RRP8: variants seen among roughly 807,000 people sequenced by gnomAD.
RRP8 encodes the protein ribosomal RNA-processing protein 8.
In RRP8, 48 loss-of-function variants were observed where a neutral mutation model predicts 45.0. That is an observed-to-expected ratio of 1.07 (90% CI 0.85 to 1.36). RRP8 has a LOEUF of 1.36. RRP8 is among the 40% of genes most tolerant of loss of function. The pLI is 0.00. For synonymous variants in RRP8, 274 were observed against 212.4 expected (o/e 1.29, Z -2.52); for missense variants, 658 against 573.7 (o/e 1.15, Z -1.50).
At chr11:6,600,797 T>C (rs1453851366) in intron 4 of RRP8, 22 bp from the exon 5 acceptor site, 9 of 1,610,822 alleles carry the variant, frequency 5.6e-6, no homozygotes, top group Non-Finnish European at 6.8e-6. Flanking sequence ...GAGAGTGTTG[T>C]ATAAGGCACA....
In RRP8 at chr11:6,603,411, T is replaced by G. The variant is rs1589919594; in HGVS notation, c.92A>C (p.Gln31Pro). 1 of 1,601,766 alleles carries G rather than the reference T, an allele frequency of 6.2e-7. No individual in the cohort carries two copies. The highest frequency in any genetic ancestry group is 8.5e-7 in the Non-Finnish European group (1 of 1,175,144). ...CTCCCGCGAGTCACTCACCTTGTTT[T>G]GCGAGGAGGCCGCAGGCGGAGGTCG... Reference protein sequence around the residue: ...ISRPPPAASSQNKGSKRRQLL... With the variant: ...ISRPPPAASSPNKGSKRRQLL... Residue 31 changes from glutamine (Q) to proline (P), a missense_variant, in exon 1 of 7, where the codon CAA (glutamine) becomes CCA (proline). Physicochemically the swap from Gln to Pro is moderately conservative, Grantham distance 76. Transcript: ENST00000254605.
intron 2 of RRP8, 99 bp downstream of exon 2, chr11:6,601,753 C>T: frequency 6.8e-7 from 1 of 1,479,340 alleles, no homozygotes; most frequent in South Asian, 1.3e-5. Context: ...CCATTAGCCC[C>T]AATCCTAATG....
At chr11:6,601,734 C>G (rs1200327787) in intron 2 of RRP8, 118 bp downstream of exon 2, 25 of 1,476,566 alleles carry the variant, frequency 1.7e-5, no homozygotes, top group Non-Finnish European at 1.7e-5. Flanking sequence ...TTCTTATTGC[C>G]TGAGTACACC....
In RRP8 at chr11:6,599,875, T is replaced by C. The variant is rs566736833; in HGVS notation, c.*271A>G. 1.3e-5 allele frequency: 3 copies of C among 233,874 alleles called. No homozygotes were observed. The East Asian group carries it at 2.6e-4, about 20-fold the overall frequency. 14.5% of individuals were successfully genotyped at this position (233,874 alleles called of 1,614,324 possible). On this transcript the variant is annotated 3_prime_UTR_variant, in exon 7 of 7. Coordinates refer to ENST00000254605, the MANE Select transcript of RRP8 (RefSeq NM_015324.4). ...TAAAGATGCCTTGAATTCCAAACCATCTAGTTTTCATAACACCTGAAGTGT... is the reference window on the plus strand; with the variant it reads ...TAAAGATGCCTTGAATTCCAAACCACCTAGTTTTCATAACACCTGAAGTGT...
chr11:6,601,925 C>A lies in RRP8; in HGVS notation c.390G>T (p.Glu130Asp), dbSNP rs1365161946. ...ALVGSDSAED[E>D]KRKRKCQKHA... ...GTTTCTGGCATTTCCTCTTTCTTTT[C>A]TCATCTTCAGCAGAGTCACTGCCAA... Residue 130 changes from glutamate to aspartate, a missense_variant, in exon 2 of 7, where the codon GAG (glutamate) becomes GAT (aspartate). By Grantham distance (45) the Glu-to-Asp change is conservative. Transcript: ENST00000254605. 3.1e-6 allele frequency: 5 copies of A among 1,614,062 alleles called. No individual in the cohort carries two copies. Among genetic ancestry groups the A allele is most frequent in the East Asian group, 2.2e-5 (1 of 44,898 alleles).
rs1854231822 is a variant in RRP8, at chr11:6,596,541, T to C, written c.*3605A>G. ...ATCACATGGCTGTGTGGAAAATTAA[T>C]TGCTTTAGGGACACGAGTAGAAGCA... On this transcript the variant is annotated 3_prime_UTR_variant, in exon 7 of 7. Transcript: ENST00000254605. 1 of 152,192 alleles carries C rather than the reference T, an allele frequency of 6.6e-6. No homozygotes were observed. The highest frequency in any genetic ancestry group is 1.9e-4 in the East Asian group (1 of 5,200). 9.4% of individuals were successfully genotyped at this position (152,192 alleles called of 1,614,324 possible). A position where few individuals can be genotyped will look rare whatever the true frequency, so the allele number is the denominator to read the frequency against.
chr11:6,597,334 C>T lies in RRP8; in HGVS notation c.*2812G>A, dbSNP rs1429153794. 6.6e-6 allele frequency: 1 copy of T among 151,966 alleles called. No homozygotes were observed. Among genetic ancestry groups the T allele is most frequent in the African/African-American group, 2.4e-5 (1 of 41,344 alleles). 9.4% of individuals were successfully genotyped at this position (151,966 alleles called of 1,614,324 possible). On this transcript the variant is annotated 3_prime_UTR_variant, in exon 7 of 7. Transcript: ENST00000254605. Reference sequence around the variant, plus strand: ...GTGGGCCTGGAAGATATTTCCTCTCCCCTATTCTCACTCTCAAATGATAAA... The same window carrying T: ...GTGGGCCTGGAAGATATTTCCTCTCTCCTATTCTCACTCTCAAATGATAAA...
chr11:6,597,667 G>T lies in RRP8; in HGVS notation c.*2479C>A, dbSNP rs952264791. The T allele has an allele frequency of 6.6e-6, 1 of 150,538 alleles. No individual in the cohort carries two copies. The highest frequency in any genetic ancestry group is 1.5e-5 in the Non-Finnish European group (1 of 67,862). 9.3% of individuals were successfully genotyped at this position (150,538 alleles called of 1,614,324 possible). On this transcript the variant is annotated 3_prime_UTR_variant, in exon 7 of 7. Transcript: ENST00000254605. ...GCACTTTGGGAGGCCGAGGCAGGCC[G>T]ATCACTCGAGGTCAGGAGTTCGAGA...
At position 6,600,473 on chromosome 11, in the gene RRP8, T is replaced by C. The variant is rs1449567393; in HGVS notation, c.1251+13A>G. On this transcript the variant is annotated intron_variant, in intron 6 of 6. Coordinates refer to ENST00000254605, the MANE Select transcript of RRP8 (RefSeq NM_015324.4). ...TGAGACAAAAACAGGTACAGATGTC[T>C]TGGGGCCCTCACCTTGGAGACAATC... is the stretch of plus-strand genomic sequence containing the variant. The C allele has an allele frequency of 3.7e-6, 6 of 1,611,878 alleles. No homozygotes were observed. The highest frequency in any genetic ancestry group is 4.2e-6 in the Non-Finnish European group (5 of 1,178,870).
intron 1 of RRP8, among the ~76,000 whole-genome samples, chr11:6,602,832 G>A (rs1854459966): frequency 6.6e-6 from 1 of 152,138 alleles, no homozygotes; most frequent in African/African-American, 2.4e-5. Flanking sequence ...TGTATTGTCG[G>A]GAAGGCTGAT....
rs753676256 is a variant in RRP8, at chr11:6,600,274, A to C, written c.1252-9T>G. On this transcript the variant is annotated splice_polypyrimidine_tract_variant and intron_variant, in intron 6 of 6. Coordinates refer to ENST00000254605, the MANE Select transcript of RRP8 (RefSeq NM_015324.4). ...TGGCTGTTGGTCAGGTCCTAGGGGC[A>C]GAAAAGACCCAGTGAGAACCAAATC... 6.4e-7 allele frequency: 1 copy of C among 1,563,682 alleles called. No homozygotes were observed. The highest frequency in any genetic ancestry group is 2.2e-5 in the East Asian group (1 of 44,492).
rs1182331810 is a variant in RRP8, at chr11:6,601,800, ACCC to A, written c.463+49_463+51del. The A allele has an allele frequency of 2.9e-5, 44 of 1,527,352 alleles. No individual in the cohort carries two copies. The Admixed American group carries it at 4.8e-4, about 17-fold the overall frequency. The allele number at this position is 1,527,352 out of a possible 1,614,324, so 94.6% of individuals were successfully genotyped here. ...TCACTCTTGTATGTAGAACCAGCTG[ACCC>A]CCCGACACACACACACCAACACACA... On this transcript the variant is annotated intron_variant, in intron 2 of 6. Coordinates refer to ENST00000254605, the MANE Select transcript of RRP8 (RefSeq NM_015324.4).
In RRP8 at chr11:6,600,906, C is replaced by T; in HGVS notation, c.1047+20G>A. The T allele has an allele frequency of 6.2e-7, 1 of 1,614,006 alleles. No homozygotes were observed. ...CGGAGGTTGGCCCTAGAGCACAAGCCAGATAACATAGGGGTTTACCTGGGC... is the reference window on the plus strand; with the variant it reads ...CGGAGGTTGGCCCTAGAGCACAAGCTAGATAACATAGGGGTTTACCTGGGC... On this transcript the variant is annotated intron_variant, in intron 4 of 6. Transcript: ENST00000254605.
rs11600032 is a variant in RRP8 at position 6,598,603 on chromosome 11, C to T, written c.*1543G>A. 1.3e-5 allele frequency: 2 copies of T among 152,196 alleles called. No individual in the cohort carries two copies. The highest frequency in any genetic ancestry group is 1.9e-4 in the East Asian group (1 of 5,206). The allele number at this position is 152,196 out of a possible 1,614,324, so 9.4% of individuals were successfully genotyped here. A position where few individuals can be genotyped will look rare whatever the true frequency, so the allele number is the denominator to read the frequency against. ...TAGAATAGGAAACAACTAGGCTGTTCGGAAAGATGAGCAAACTGCCAGTCC... is the reference window on the plus strand; with the variant it reads ...TAGAATAGGAAACAACTAGGCTGTTTGGAAAGATGAGCAAACTGCCAGTCC... On this transcript the variant is annotated 3_prime_UTR_variant, in exon 7 of 7. Coordinates refer to ENST00000254605, the MANE Select transcript of RRP8 (RefSeq NM_015324.4).
rs1484635450 is a variant in RRP8 at position 6,595,625 on chromosome 11, T to C, written c.*4521A>G. 1 of 152,082 alleles carries C rather than the reference T, an allele frequency of 6.6e-6. No homozygotes were observed. Among genetic ancestry groups the C allele is most frequent in the Non-Finnish European group, 1.5e-5 (1 of 68,012 alleles). 9.4% of individuals were successfully genotyped at this position (152,082 alleles called of 1,614,324 possible). A position where few individuals can be genotyped will look rare whatever the true frequency, so the allele number is the denominator to read the frequency against. ...TGACGGATTTAAAAAAAAAAGAGTA[T>C]CTCAACTTCCTATTGGGAGTACATG... On this transcript the variant is annotated 3_prime_UTR_variant, in exon 7 of 7. Transcript: ENST00000254605.
chr11:6,601,225 G>A lies in RRP8; in HGVS notation c.841C>T (p.His281Tyr), dbSNP rs1386151963. ...QEDPEAFLLY[H>Y]RGFQSQVKKW... is the part of the protein sequence containing the mutation. ...TTCACTTGGCTCTGGAAGCCGCGGT[G>A]GTAGAGAAGAAAAGCCTCAGGGTCT... The change falls in exon 3 of 7, where the codon CAC becomes TAC. Residue 281 changes from histidine (H) to tyrosine (Y), a missense_variant. Coordinates refer to ENST00000254605, the MANE Select transcript of RRP8 (RefSeq NM_015324.4). 1 of 1,611,852 alleles carries A rather than the reference G, an allele frequency of 6.2e-7. No homozygotes were observed. The highest frequency in any genetic ancestry group is 1.1e-5 in the South Asian group (1 of 90,776).
Position 6,601,315 on chromosome 11 carries a change from A to G in RRP8, c.751T>C (p.Phe251Leu). ...RMAQRLDGAR[F>L]RYLNEQLYSG... Reference sequence around the variant, plus strand: ...TACAACTGTTCATTGAGGTAGCGAAATCGGGCCCCATCCAGCCGCTGTGCC... The same window carrying G: ...TACAACTGTTCATTGAGGTAGCGAAGTCGGGCCCCATCCAGCCGCTGTGCC... Residue 251 changes from phenylalanine (F) to leucine (L), a missense_variant, in exon 3 of 7, where the codon TTT (phenylalanine) becomes CTT (leucine). Coordinates refer to ENST00000254605, the MANE Select transcript of RRP8 (RefSeq NM_015324.4). 2 of 1,613,680 alleles carry G rather than the reference A, an allele frequency of 1.2e-6. No homozygotes were observed. The highest frequency in any genetic ancestry group is 1.7e-6 in the Non-Finnish European group (2 of 1,179,832).
At chr11:6,602,448 T>C (rs879332835) in intron 1 of RRP8, among the ~76,000 whole-genome samples, 1 of 151,490 alleles carries the variant, frequency 6.6e-6, no homozygotes, top group Non-Finnish European at 1.5e-5. Flanking sequence ...CTAATGGAGG[T>C]TTCCCCAAAG....
rs1183200885 is a variant in RRP8 at position 6,596,952 on chromosome 11, T to G, written c.*3194A>C. The G allele has an allele frequency of 2.0e-5, 3 of 152,152 alleles. No individual in the cohort carries two copies. The highest frequency in any genetic ancestry group is 7.2e-5 in the African/African-American group (3 of 41,416). 9.4% of individuals were successfully genotyped at this position (152,152 alleles called of 1,614,324 possible). ...TCTTGTCTCTTACCACCCTCCAAAT[T>G]TTATTCACTGGGAGGTACTCTCCCT... On this transcript the variant is annotated 3_prime_UTR_variant, in exon 7 of 7. Transcript: ENST00000254605.
Sources: gnomAD v4.1 joint callset for allele counts (sites outside exome capture counted in the v4.1 genomes callset) on GRCh38, gnomAD v4.1.1 for gene constraint, MANE v1.5 for transcripts, NCBI Gene and HGNC (gene_info 2026-07-23, HGNC 2026-07-21) for gene names.